SNRPN: variants seen among roughly 807,000 people sequenced by gnomAD.
SNRPN encodes the protein small nuclear ribonucleoprotein-associated protein N.
In SNRPN, 7 loss-of-function variants were observed where a neutral mutation model predicts 25.2. That is an observed-to-expected ratio of 0.28 (90% CI 0.16 to 0.52). The LOEUF is 0.52. Ranked by LOEUF, SNRPN falls within the 20% of genes least tolerant of loss-of-function variation. SNRPN has a pLI of 0.96. For missense variants in SNRPN, 196 were observed against 322.5 expected (o/e 0.61, Z 3.00); for synonymous variants, 124 against 110.6 (o/e 1.12, Z -0.76).
chr15:24,909,354 T>C, intron 2 of SNRPN: 1 of 1,602,066 alleles, frequency 6.2e-7, no homozygotes, highest in Non-Finnish European at 8.5e-7. Context: ...AAAACTTTAT[T>C]GCCAGTGGTA....
chr15:24,925,586 C>CT (rs1566919515), intron 3 of SNRPN, among the ~76,000 whole-genome samples: 3 of 152,188 alleles, frequency 2.0e-5, no homozygotes, highest in East Asian at 1.9e-4. Flanking sequence ...TCCTCCTTTT[C>CT]TTTTTTATAA....
intron 2 of SNRPN, among the ~76,000 whole-genome samples, chr15:24,832,977 C>T (rs1055678193): frequency 4.0e-5 from 6 of 151,624 alleles, no homozygotes; most frequent in African/African-American, 9.7e-5. Context: ...TGGTGGCAGG[C>T]GCCTGCAGTC....
intron 1 of SNRPN, among the ~76,000 whole-genome samples, chr15:24,871,098 G>T (rs2055073284): frequency 6.6e-6 from 1 of 151,852 alleles, no homozygotes; most frequent in Admixed American, 6.6e-5. Context: ...GGCCAAGCTG[G>T]TCTCAAATAC....
intron 2 of SNRPN, among the ~76,000 whole-genome samples, chr15:24,908,391 G>C (rs1034027655): frequency 1.3e-5 from 2 of 152,140 alleles, no homozygotes; most frequent in African/African-American, 4.8e-5. Flanking sequence ...GCATTAAGGC[G>C]ATTCTGACGA....
intron 1 of SNRPN, among the ~76,000 whole-genome samples, chr15:24,868,286 G>A (rs527422834): frequency 1.3e-4 from 20 of 152,230 alleles, no homozygotes; most frequent in African/African-American, 4.8e-4. Context: ...TATTTGAAAG[G>A]GAGTTTGAAT....
chr15:24,956,408 G>C (rs79160074), intron 1 of SNRPN, among the ~76,000 whole-genome samples: 1 of 152,022 alleles, frequency 6.6e-6, no homozygotes. Context: ...GGGGCAGGTG[G>C]TGTGTGTTCA....
intron 2 of SNRPN, among the ~76,000 whole-genome samples, chr15:24,914,684 A>G (rs2059413829): frequency 1.3e-5 from 2 of 152,240 alleles, no homozygotes; most frequent in Admixed American, 1.3e-4. Context: ...AATAAAGACA[A>G]GGTTTCAAAG....
intron 2 of SNRPN, among the ~76,000 whole-genome samples, chr15:24,963,596 C>T (rs2075178294): frequency 6.9e-6 from 1 of 145,954 alleles, no homozygotes; most frequent in Admixed American, 6.9e-5. Flanking sequence ...GCCTGGGTGA[C>T]AGAGCAAGAC....
chr15:24,871,416 C>A (rs2055109182), intron 1 of SNRPN, among the ~76,000 whole-genome samples: 1 of 151,924 alleles, frequency 6.6e-6, no homozygotes. Context: ...GTGTCATATA[C>A]ATGGAATTGC....
At chr15:24,972,381 C>T (rs2076527535) in intron 3 of SNRPN, among the ~76,000 whole-genome samples, 1 of 151,884 alleles carries the variant, frequency 6.6e-6, no homozygotes. Flanking sequence ...TAAACTCTTA[C>T]TCATATTTAG....
intron 5 of SNRPN, 80 bp from the exon 6 acceptor site, chr15:24,976,225 A>G (rs2077044754): frequency 1.9e-6 from 2 of 1,073,918 alleles, no homozygotes; most frequent in Non-Finnish European, 2.9e-6. Flanking sequence ...GTCTTAATTG[A>G]TACTTGAGGT....
At position 24,974,106 on chromosome 15, in the gene SNRPN, A is replaced by G. The variant is rs528487215; in HGVS notation, c.-143-205A>G. On this transcript the variant is annotated intron_variant, in intron 3 of 9. Transcript: ENST00000390687. Reference sequence around the variant, plus strand: ...GAATTACTAGGTAAAATAAAATTCAATGACTTTCATCAGTCCTAAGTGTGT... The same window carrying G: ...GAATTACTAGGTAAAATAAAATTCAGTGACTTTCATCAGTCCTAAGTGTGT... Among the ~76,000 whole-genome samples, 5 of 152,352 alleles carry G rather than the reference A, an allele frequency of 3.3e-5. No individual in the cohort carries two copies. The South Asian group carries it at 6.2e-4, about 19-fold the overall frequency.
At chr15:24,843,273 T>C (rs988285619) in intron 2 of SNRPN, among the ~76,000 whole-genome samples, 5 of 152,198 alleles carry the variant, frequency 3.3e-5, no homozygotes. Context: ...TGAGGTATTA[T>C]ATGGTTACTA....
intron 3 of SNRPN, among the ~76,000 whole-genome samples, chr15:24,970,318 G>A (rs1035376382): frequency 1.6e-4 from 24 of 152,248 alleles, no homozygotes; most frequent in Non-Finnish European, 2.8e-4. Flanking sequence ...GGTGGCTCAC[G>A]CCTGTCATCC....
At chr15:24,968,249 C>G in intron 3 of SNRPN, 167 bp downstream of exon 3, 1 of 530,974 alleles carries the variant, frequency 1.9e-6, no homozygotes. Context: ...AATTTTCTGC[C>G]CTGACACTTT....
chr15:24,971,479 ACTC>A (rs1566970642), intron 3 of SNRPN, among the ~76,000 whole-genome samples: 1 of 151,514 alleles, frequency 6.6e-6, no homozygotes, highest in African/African-American at 2.4e-5. Flanking sequence ...TAGGAGGTCA[ACTC>A]CTATTGTGAG....
At chr15:24,835,879 G>A (rs1209684127) in intron 2 of SNRPN, among the ~76,000 whole-genome samples, 1 of 152,024 alleles carries the variant, frequency 6.6e-6, no homozygotes, top group Non-Finnish European at 1.5e-5. Context: ...TGCCCAGGCT[G>A]GTCTCGAACT....
upstream of SNRPN, chr15:24,852,361 T>C (rs1203957600): frequency 6.6e-6 from 1 of 152,222 alleles, no homozygotes; most frequent in Non-Finnish European, 1.5e-5. Flanking sequence ...GTTCCTAAGA[T>C]GGAAACTTAG....
At chr15:24,967,828 A>T (rs940138223) in intron 2 of SNRPN, 104 bp from the exon 3 acceptor site, 46 of 819,830 alleles carry the variant, frequency 5.6e-5, no homozygotes, top group Non-Finnish European at 8.0e-5. Flanking sequence ...AAAAAAAAAA[A>T]GGAATATCTT....
Sources: gnomAD v4.1 joint callset for allele counts (sites outside exome capture counted in the v4.1 genomes callset) on GRCh38, gnomAD v4.1.1 for gene constraint, MANE v1.5 for transcripts, NCBI Gene and HGNC (gene_info 2026-07-23, HGNC 2026-07-21) for gene names.